Variants in TIPIN observed in about 807,000 individuals in gnomAD.
The protein encoded by TIPIN is TIMELESS interacting protein, also known as TIMELESS-interacting protein.
In TIPIN, 29 loss-of-function variants were observed where a neutral mutation model predicts 35.6. The observed-to-expected ratio is 0.82, with a 90% CI of 0.61 to 1.11. The LOEUF (loss-of-function observed/expected upper bound fraction) is 1.11, where lower values mean the gene tolerates loss of function less well. Among genes scored for constraint, TIPIN ranks in the 50% most tolerant of loss-of-function variants. The probability of loss-of-function intolerance (pLI) is 0.00; values close to 1 mark genes in which losing one functional copy is unlikely to be tolerated. For missense variants in TIPIN, 296 were observed against 345.4 expected (o/e 0.86, Z 1.13); for synonymous variants, 102 against 121.5 (o/e 0.84, Z 1.06).
chr15:66,375,499 T>TTATATATATATATATATATATATATA (rs71139487), intron 1 of TIPIN, among the ~76,000 whole-genome samples: 65 of 132,822 alleles, frequency 4.9e-4, no homozygotes, highest in Non-Finnish European at 8.4e-4. Context: ...ATTGGAAAAG[T>TTATATATATATATATATATATATATA]TATATATATA....
upstream of TIPIN, among the ~76,000 whole-genome samples, chr15:66,360,175 G>A (rs1179022639): frequency 6.6e-6 from 1 of 152,084 alleles, no homozygotes; most frequent in Non-Finnish European, 1.5e-5. Flanking sequence ...AGGATTACTT[G>A]AGCCCAGGAG....
At chr15:66,342,186 C>CAAAAAAAAAAAAAAAA (rs55711983) in intron 6 of TIPIN, among the ~76,000 whole-genome samples, 12 of 108,516 alleles carry the variant, frequency 1.1e-4, no homozygotes, top group African/African-American at 3.5e-4. Context: ...AAGACTGTCT[C>CAAAAAAAAAAAAAAAA]AAAAAAAAAA....
In TIPIN at chr15:66,352,210, G is replaced by T. The variant is rs369911019; in HGVS notation, c.134-3C>A. 3 of 1,595,478 alleles carry T rather than the reference G, an allele frequency of 1.9e-6. No individual in the cohort carries two copies. The highest frequency in any genetic ancestry group is 2.6e-6 in the Non-Finnish European group (3 of 1,171,490). On this transcript the variant is annotated splice_polypyrimidine_tract_variant and splice_region_variant and intron_variant, in intron 2 of 7. Transcript: ENST00000261881. ...AACAGGTGCTCCATTTCCTGACTCT[G>T]GTGAAACAAACCACGATTCAGTATT...
At chr15:66,353,030 C>T in intron 1 of TIPIN, 75 bp from the exon 2 acceptor site, 3 of 1,414,682 alleles carry the variant, frequency 2.1e-6, no homozygotes, top group Non-Finnish European at 2.8e-6. Context: ...TACCTGCAGC[C>T]ATTTCATGTG....
intron 1 of TIPIN, among the ~76,000 whole-genome samples, chr15:66,375,697 G>T (rs1218587546): frequency 2.7e-5 from 4 of 150,598 alleles, no homozygotes; most frequent in Non-Finnish European, 5.9e-5. Flanking sequence ...GCTGCAAAAT[G>T]AAAAGGAAAC....
upstream of TIPIN, among the ~76,000 whole-genome samples, chr15:66,356,905 A>G (rs1244008127): frequency 6.6e-6 from 1 of 151,672 alleles, no homozygotes; most frequent in African/African-American, 2.4e-5. Context: ...AATACTTGTT[A>G]TTCTGGGGTT....
upstream of TIPIN, among the ~76,000 whole-genome samples, chr15:66,361,678 C>T (rs1441621063): frequency 6.6e-6 from 1 of 151,934 alleles, no homozygotes; most frequent in Non-Finnish European, 1.5e-5. Flanking sequence ...ATATAGTTTT[C>T]CTACAGACCG....
At chr15:66,338,515 A>G (rs1566969714) in intron 7 of TIPIN, among the ~76,000 whole-genome samples, 1 of 152,170 alleles carries the variant, frequency 6.6e-6, no homozygotes, top group Non-Finnish European at 1.5e-5. Flanking sequence ...ACATCCATTT[A>G]TAAAGAAAAA....
intron 3 of TIPIN, 105 bp from the exon 4 acceptor site, chr15:66,351,705 T>G: frequency 4.4e-6 from 4 of 913,560 alleles, no homozygotes; most frequent in Admixed American, 2.5e-5. Flanking sequence ...TGGCGCGATC[T>G]CGGGTCACTG....
intron 1 of TIPIN, among the ~76,000 whole-genome samples, chr15:66,384,756 T>C (rs767218342): frequency 1.3e-5 from 2 of 151,738 alleles, no homozygotes; most frequent in African/African-American, 4.8e-5. Flanking sequence ...CTACTAAAAA[T>C]ACAAAATTAG....
chr15:66,379,737 C>G, intron 1 of TIPIN: 4 of 1,608,308 alleles, frequency 2.5e-6, no homozygotes, highest in Non-Finnish European at 3.4e-6. Context: ...GTTACCCCAC[C>G]ATTTGTCAAC....
intron 1 of TIPIN, chr15:66,379,250 G>C: frequency 1.4e-6 from 2 of 1,463,304 alleles, no homozygotes; most frequent in South Asian, 1.4e-5. Flanking sequence ...CAAATCAACA[G>C]GTCTTTTATT....
chr15:66,356,516 T>G, intron 1 of TIPIN, 123 bp downstream of exon 1: 1 of 782,440 alleles, frequency 1.3e-6, no homozygotes, highest in Non-Finnish European at 1.6e-6. Flanking sequence ...CTGACCCCCT[T>G]CCTGCGACAA....
intron 3 of TIPIN, among the ~76,000 whole-genome samples, chr15:66,351,921 G>C (rs1400792042): frequency 5.5e-5 from 8 of 144,400 alleles, no homozygotes; most frequent in African/African-American, 1.9e-4. Flanking sequence ...TTATAGGCGT[G>C]AGCTACCACG....
chr15:66,348,036 C>G (rs186761315), intron 6 of TIPIN, among the ~76,000 whole-genome samples: 191 of 127,658 alleles, frequency 1.5e-3, no homozygotes, highest in Admixed American at 3.2e-3. Flanking sequence ...CAGACAAGGT[C>G]TCTCACCCTA....
Position 66,352,965 on chromosome 15 carries a change from A to G in TIPIN, c.-8-10T>C, listed in dbSNP as rs757585130. On this transcript the variant is annotated splice_polypyrimidine_tract_variant and intron_variant, in intron 1 of 7. Coordinates refer to ENST00000261881, the MANE Select transcript of TIPIN (RefSeq NM_017858.3). ...TCTAGCATCTTTTCCTCTAGGGGAA[A>G]AAATTAAAGTTATTTGTATTCATCC... is the stretch of plus-strand genomic sequence containing the variant. 1.2e-5 allele frequency: 20 copies of G among 1,608,694 alleles called. 1 individual carries two copies. In the South Asian group the frequency reaches 1.9e-4, roughly 15 times the overall value.
chr15:66,370,634 A>G (rs1438440109), intron 1 of TIPIN, among the ~76,000 whole-genome samples: 5 of 152,226 alleles, frequency 3.3e-5, no homozygotes, highest in Admixed American at 1.3e-4. Context: ...AGCAATTGAT[A>G]TAGAGCCAGA....
Position 66,341,169 on chromosome 15 carries a change from A to G in TIPIN, c.663T>C (p.Asn221=), listed in dbSNP as rs201478064. 5.0e-6 allele frequency: 8 copies of G among 1,611,864 alleles called. No individual in the cohort carries two copies. The highest frequency in any genetic ancestry group is 6.8e-6 in the Non-Finnish European group (8 of 1,179,900). ...LERRQAKLLS[N]SQTLGNDMLM... is the part of the protein sequence containing the mutation. Reference sequence around the variant, plus strand: ...ATTTACCATTTCCTAGGGTCTGACTATTACTCAGCAGCTTTGCCTGCCTTC... The same window carrying G: ...ATTTACCATTTCCTAGGGTCTGACTGTTACTCAGCAGCTTTGCCTGCCTTC... Residue 221 remains asparagine, a synonymous_variant, in exon 7 of 8, where the codon AAT becomes AAC. Coordinates refer to ENST00000261881, the MANE Select transcript of TIPIN (RefSeq NM_017858.3).
At chr15:66,352,763 G>C in intron 2 of TIPIN, 52 bp downstream of exon 2, 2 of 1,529,650 alleles carry the variant, frequency 1.3e-6, no homozygotes, top group Non-Finnish European at 1.8e-6. Flanking sequence ...TTACAGGCAT[G>C]AGCCACCGTG....
Sources: gnomAD v4.1 joint callset for allele counts (sites outside exome capture counted in the v4.1 genomes callset) on GRCh38, gnomAD v4.1.1 for gene constraint, MANE v1.5 for transcripts, NCBI Gene and HGNC (gene_info 2026-07-23, HGNC 2026-07-21) for gene names.